The following RBFOX1 variants were observed in gnomAD, a reference collection of about 807,000 sequenced individuals.
The protein encoded by RBFOX1 is RNA binding fox-1 homolog 1.
Under a neutral mutation model 57.7 loss-of-function variants are expected in RBFOX1, and 8 were observed. The observed-to-expected ratio is 0.14, with a 90% CI of 0.08 to 0.25. The LOEUF (loss-of-function observed/expected upper bound fraction) is 0.25, where lower values mean the gene tolerates loss of function less well. RBFOX1 is among the 10% of genes least tolerant of loss of function. The probability of loss-of-function intolerance (pLI) is 1.00; values close to 1 mark genes in which losing one functional copy is unlikely to be tolerated. For synonymous variants in RBFOX1, 326 were observed against 222.4 expected (o/e 1.47, Z -4.15); for missense variants, 611 against 548.5 (o/e 1.11, Z -1.14).
At chr16:7,439,495 C>T (rs942537929) in intron 4 of RBFOX1, among the ~76,000 whole-genome samples, 1 of 152,152 alleles carries the variant, frequency 6.6e-6, no homozygotes, top group African/African-American at 2.4e-5. Context: ...GAATTATCCA[C>T]CTAGTTCCTC....
intron 1 of RBFOX1, among the ~76,000 whole-genome samples, chr16:5,272,909 G>C (rs1261166796): frequency 6.6e-6 from 1 of 152,156 alleles, no homozygotes; most frequent in Non-Finnish European, 1.5e-5. Flanking sequence ...TCCACAAATG[G>C]GATTCAGCCT....
intron 4 of RBFOX1, among the ~76,000 whole-genome samples, chr16:7,268,470 C>A (rs1015915821): frequency 6.6e-6 from 1 of 152,204 alleles, no homozygotes; most frequent in African/African-American, 2.4e-5. Flanking sequence ...ATTGCTGCTA[C>A]TCAGGAGTGC....
intron 4 of RBFOX1, among the ~76,000 whole-genome samples, chr16:6,007,522 T>C (rs2094934775): frequency 6.6e-6 from 1 of 152,178 alleles, no homozygotes; most frequent in Non-Finnish European, 1.5e-5. Context: ...GAACGAGAGG[T>C]ACCCAGTAGA....
intron 2 of RBFOX1, among the ~76,000 whole-genome samples, chr16:6,496,109 G>A (rs1598239167): frequency 6.6e-6 from 1 of 152,152 alleles, no homozygotes; most frequent in African/African-American, 2.4e-5. Context: ...CTACTCTGGG[G>A]TGTCTTGTAG....
At chr16:7,271,966 C>T (rs2095328811) in intron 4 of RBFOX1, among the ~76,000 whole-genome samples, 2 of 152,164 alleles carry the variant, frequency 1.3e-5, no homozygotes, top group African/African-American at 4.8e-5. Flanking sequence ...GTATCACCAC[C>T]TATTCCCCTC....
At chr16:5,663,715 C>T (rs551901817) in intron 3 of RBFOX1, among the ~76,000 whole-genome samples, 19 of 152,204 alleles carry the variant, frequency 1.2e-4, no homozygotes, top group Non-Finnish European at 2.2e-4. Flanking sequence ...GAGCGCCCTG[C>T]TGCCAGTGAG....
chr16:5,545,775 G>A (rs1000086431), intron 2 of RBFOX1, among the ~76,000 whole-genome samples: 41 of 152,166 alleles, frequency 2.7e-4, no homozygotes, highest in African/African-American at 9.4e-4. Flanking sequence ...GCTTAAGATC[G>A]GGAACAAGAA....
chr16:7,680,270 G>C (rs898077325), intron 14 of RBFOX1, among the ~76,000 whole-genome samples: 1 of 152,172 alleles, frequency 6.6e-6, no homozygotes, highest in Non-Finnish European at 1.5e-5. Flanking sequence ...CAAACTGGGA[G>C]GTGCGGAGGG....
chr16:6,811,884 C>A (rs1056683396), intron 3 of RBFOX1, among the ~76,000 whole-genome samples: 1 of 152,040 alleles, frequency 6.6e-6, no homozygotes, highest in Non-Finnish European at 1.5e-5. Context: ...AGTGAAACTC[C>A]ATCTCAAAAT....
intron 3 of RBFOX1, among the ~76,000 whole-genome samples, chr16:5,787,298 C>T (rs912418432): frequency 6.6e-6 from 1 of 152,192 alleles, no homozygotes; most frequent in African/African-American, 2.4e-5. Context: ...TCATAAGCAT[C>T]AGAGGTGTCC....
chr16:6,312,726 T>A (rs1356159349), intron 1 of RBFOX1, among the ~76,000 whole-genome samples: 1 of 150,936 alleles, frequency 6.6e-6, no homozygotes, highest in East Asian at 1.9e-4. Context: ...CATTCCTTCC[T>A]TCCTTCCTTA....
chr16:7,292,172 CAT>C (rs1165284720), intron 4 of RBFOX1, among the ~76,000 whole-genome samples: 5 of 121,710 alleles, frequency 4.1e-5, no homozygotes, highest in African/African-American at 6.4e-5. Flanking sequence ...TATTATATAT[CAT>C]ATATCATATA....
intron 2 of RBFOX1, among the ~76,000 whole-genome samples, chr16:5,548,174 A>ATATATAT (rs1282445806): frequency 5.5e-3 from 185 of 33,480 alleles, no homozygotes; most frequent in Non-Finnish European, 1.0e-2. Flanking sequence ...AAAAAAAAAA[A>ATATATAT]ATATATATAT....
At chr16:6,131,086 CAA>C (rs1187541548) in intron 1 of RBFOX1, among the ~76,000 whole-genome samples, 3 of 152,104 alleles carry the variant, frequency 2.0e-5, no homozygotes, top group Non-Finnish European at 4.4e-5. Flanking sequence ...ATATGATGCT[CAA>C]GAGTAGAAAA....
At chr16:7,504,281 G>A (rs1002597879) in intron 4 of RBFOX1, among the ~76,000 whole-genome samples, 1 of 151,918 alleles carries the variant, frequency 6.6e-6, no homozygotes, top group East Asian at 2.0e-4. Flanking sequence ...TTAGGGCAGT[G>A]GCAAGCATGT....
At chr16:5,336,866 TG>T (rs2064909284) in intron 1 of RBFOX1, among the ~76,000 whole-genome samples, 1 of 152,212 alleles carries the variant, frequency 6.6e-6, no homozygotes, top group African/African-American at 2.4e-5. Context: ...TCCTTTCAGA[TG>T]CCAGAGCTGA....
intron 2 of RBFOX1, among the ~76,000 whole-genome samples, chr16:5,508,435 A>C (rs1276352415): frequency 6.6e-6 from 1 of 152,238 alleles, no homozygotes; most frequent in Non-Finnish European, 1.5e-5. Context: ...TAGATGCTGC[A>C]GCCTTCCTGT....
intron 4 of RBFOX1, among the ~76,000 whole-genome samples, chr16:7,175,476 C>T (rs986934338): frequency 2.6e-5 from 4 of 152,110 alleles, no homozygotes; most frequent in Non-Finnish European, 5.9e-5. Flanking sequence ...AAATGTGTGA[C>T]AGGGAGCTGA....
intron 2 of RBFOX1, among the ~76,000 whole-genome samples, chr16:6,539,834 C>CAG (rs2096788417): frequency 6.6e-6 from 1 of 151,992 alleles, no homozygotes. Context: ...CACACACACA[C>CAG]ACAGACTTTA....
Sources: gnomAD v4.1 joint callset for allele counts (sites outside exome capture counted in the v4.1 genomes callset) on GRCh38, gnomAD v4.1.1 for gene constraint, MANE v1.5 for transcripts, NCBI Gene and HGNC (gene_info 2026-07-23, HGNC 2026-07-21) for gene names.